The following KALRN variants were observed in gnomAD, a reference collection of about 807,000 sequenced individuals.
KALRN encodes the protein kalirin.
A neutral mutation model predicts 353.7 loss-of-function variants in KALRN; 70 were observed. The ratio of observed to expected loss-of-function variants is 0.20; its 90% CI spans 0.16 to 0.24. The LOEUF (loss-of-function observed/expected upper bound fraction) is 0.24, where lower values mean the gene tolerates loss of function less well. Among genes scored for constraint, KALRN ranks in the 10% least tolerant of loss-of-function variants. The pLI is 1.00. For synonymous variants in KALRN, 1,391 were observed against 1,434.8 expected, an observed-to-expected ratio of 0.97 and a Z score of 0.69; for missense variants, 2,791 against 3,756.7, an observed-to-expected ratio of 0.74 and a Z score of 6.72.
chr3:124,712,139 T>C (rs1251143671), intron 57 of KALRN, among the ~76,000 whole-genome samples: 2 of 152,068 alleles, frequency 1.3e-5, no homozygotes, highest in African/African-American at 4.8e-5. Flanking sequence ...ATCTCAGAAA[T>C]CACCCTCTAA....
chr3:124,545,925 A>G (rs1199884059), intron 33 of KALRN, among the ~76,000 whole-genome samples: 2 of 152,150 alleles, frequency 1.3e-5, no homozygotes, highest in Non-Finnish European at 2.9e-5. Flanking sequence ...CTGAGAAAAG[A>G]GATGCATTAT....
intron 10 of KALRN, among the ~76,000 whole-genome samples, chr3:124,370,623 G>A (rs889121993): frequency 3.9e-5 from 6 of 152,148 alleles, no homozygotes; most frequent in African/African-American, 1.4e-4. Context: ...TTTGTCTTCA[G>A]GATCATACTG....
chr3:124,713,088 C>T lies in KALRN; in HGVS notation c.8229C>T (p.Leu2743=), dbSNP rs1322616948. ...TACAGCACCCCCAGTACATCACTCT[C>T]CATGACACCTATGAGTCCCCCACAT... ...QHLQHPQYIT[L]HDTYESPTSY... is the part of the protein sequence containing the mutation. The change falls in exon 58 of 60, where the codon CTC becomes CTT. Residue 2743 remains leucine (L), a synonymous_variant. Transcript: ENST00000682506. 6.2e-7 allele frequency: 1 copy of T among 1,614,114 alleles called. No individual in the cohort carries two copies. The highest frequency in any genetic ancestry group is 1.7e-5 in the Admixed American group (1 of 60,002).
At chr3:124,520,545 A>C (rs1158665478) in intron 33 of KALRN, among the ~76,000 whole-genome samples, 1 of 152,120 alleles carries the variant, frequency 6.6e-6, no homozygotes, top group Non-Finnish European at 1.5e-5. Context: ...GTTTCATCCC[A>C]AAACCATCCC....
intron 3 of KALRN, among the ~76,000 whole-genome samples, chr3:124,237,736 G>A (rs557879709): frequency 6.6e-6 from 1 of 152,270 alleles, no homozygotes; most frequent in South Asian, 2.1e-4. Context: ...CTCTATGCCA[G>A]GTAGATTGAG....
At chr3:124,315,518 C>T (rs1299034434) in intron 6 of KALRN, among the ~76,000 whole-genome samples, 1 of 152,116 alleles carries the variant, frequency 6.6e-6, no homozygotes, top group Non-Finnish European at 1.5e-5. Context: ...TTCTCCCTCA[C>T]TGCTGGTTCT....
chr3:124,495,980 T>TATATATATAC (rs2063735363), intron 32 of KALRN, among the ~76,000 whole-genome samples: 2 of 35,028 alleles, frequency 5.7e-5, no homozygotes, highest in Non-Finnish European at 5.2e-5. Flanking sequence ...TATATATATA[T>TATATATATAC]ATATATATAT....
chr3:124,384,571 A>G lies in KALRN; in HGVS notation c.1771-274A>G, dbSNP rs372023184. ...GTAGGGGATAGGGAGCAGCTGGGGT[A>G]TGGAGGTTCTCTACGCTCTCCCCAC... On this transcript the variant is annotated intron_variant, in intron 10 of 59. Coordinates refer to ENST00000682506, the MANE Select transcript of KALRN (RefSeq NM_001388419.1). The G allele has an allele frequency of 8.1e-5, 25 of 310,306 alleles. No individual in the cohort carries two copies. In the East Asian group the frequency reaches 1.3e-3, roughly 17 times the overall value. The allele number at this position is 310,306 out of a possible 1,614,324, so 19.2% of individuals were successfully genotyped here.
At chr3:124,360,878 A>G (rs1408220103) in intron 10 of KALRN, among the ~76,000 whole-genome samples, 3 of 152,230 alleles carry the variant, frequency 2.0e-5, no homozygotes, top group African/African-American at 7.2e-5. Flanking sequence ...ATGAATTTGC[A>G]TATAGGAGGA....
chr3:124,178,641 A>G (rs1311922116), intron 1 of KALRN, among the ~76,000 whole-genome samples: 2 of 152,216 alleles, frequency 1.3e-5, no homozygotes, highest in Non-Finnish European at 2.9e-5. Context: ...AAAATATGGT[A>G]TAAGATTAAT....
In KALRN at chr3:124,180,098, G is replaced by T. The variant is rs11707815; in HGVS notation, c.74-47892G>T. 4.3e-3 allele frequency among the ~76,000 whole-genome samples: 662 copies of T among 152,280 alleles called. 5 individuals carry two copies. Among genetic ancestry groups the T allele is most frequent in the Non-Finnish European group, 7.2e-3 (487 of 68,014 alleles). On this transcript the variant is annotated intron_variant, in intron 1 of 59. Transcript: ENST00000682506. The stretch of plus-strand genomic sequence containing the variant: ...GAGCTTGAGCCTGGGGTAACTGCTT[G>T]TGTGGTGGGGGTATGTTCAACCTTT...
At chr3:124,113,354 T>C (rs1304752520) in intron 1 of KALRN, among the ~76,000 whole-genome samples, 2 of 152,166 alleles carry the variant, frequency 1.3e-5, no homozygotes, top group Admixed American at 1.3e-4. Flanking sequence ...AAAATCTAAC[T>C]TTTGGATGAG....
chr3:124,527,676 A>G (rs751064812), intron 33 of KALRN, among the ~76,000 whole-genome samples: 3 of 152,088 alleles, frequency 2.0e-5, no homozygotes, highest in Non-Finnish European at 2.9e-5. Flanking sequence ...GAACTCTCAG[A>G]TAAGATAGCG....
intron 1 of KALRN, among the ~76,000 whole-genome samples, chr3:124,120,598 A>G (rs911600895): frequency 6.6e-6 from 1 of 151,874 alleles, no homozygotes; most frequent in Non-Finnish European, 1.5e-5. Flanking sequence ...CTAAGTATGT[A>G]CTGAGAATGA....
chr3:124,563,120 A>T, intron 34 of KALRN, 31 bp downstream of exon 34: 1 of 1,358,238 alleles, frequency 7.4e-7, no homozygotes, highest in Non-Finnish European at 9.8e-7. Flanking sequence ...GGAGGCACAG[A>T]CCAAGGAGGC....
At chr3:124,055,772 T>C (rs903282457) in intron 1 of KALRN, among the ~76,000 whole-genome samples, 1 of 152,224 alleles carries the variant, frequency 6.6e-6, no homozygotes, top group Non-Finnish European at 1.5e-5. Flanking sequence ...GATGGCACTA[T>C]AAAATCCCAT....
At chr3:124,618,714 T>C (rs1272864400) in intron 34 of KALRN, among the ~76,000 whole-genome samples, 1 of 152,054 alleles carries the variant, frequency 6.6e-6, no homozygotes, top group African/African-American at 2.4e-5. Flanking sequence ...TATGGGGAAA[T>C]TGGGCTTACC....
At chr3:124,397,975 T>C (rs1333076490) in intron 12 of KALRN, among the ~76,000 whole-genome samples, 2 of 152,210 alleles carry the variant, frequency 1.3e-5, no homozygotes, top group African/African-American at 4.8e-5. Context: ...AACAGCAAAC[T>C]GTGAAGTGAG....
chr3:124,219,475 C>T (rs72974646), intron 1 of KALRN, among the ~76,000 whole-genome samples: 602 of 152,258 alleles, frequency 4.0e-3, no homozygotes, highest in African/African-American at 0.014. Context: ...AAAGGCTGCC[C>T]GACCTAGTTA....
Sources: gnomAD v4.1 joint callset for allele counts (sites outside exome capture counted in the v4.1 genomes callset) on GRCh38, gnomAD v4.1.1 for gene constraint, MANE v1.5 for transcripts, NCBI Gene and HGNC (gene_info 2026-07-23, HGNC 2026-07-21) for gene names.